The following DYNC2I1 variants were observed in gnomAD, a reference collection of about 807,000 sequenced individuals.
DYNC2I1 encodes dynein 2 intermediate chain 1, also known as cytoplasmic dynein 2 intermediate chain 1.
In DYNC2I1, 89 loss-of-function variants were observed where a neutral mutation model predicts 133.4. The observed-to-expected ratio is 0.67, with a 90% CI of 0.56 to 0.80. The LOEUF (loss-of-function observed/expected upper bound fraction) is 0.80. DYNC2I1 is among the 30% of genes least tolerant of loss of function. DYNC2I1 has a pLI of 0.00. For missense variants in DYNC2I1, 1,291 were observed against 1,314.5 expected (o/e 0.98, Z 0.28); for synonymous variants, 504 against 484.3 (o/e 1.04, Z -0.54).
At chr7:158,896,954 C>CT (rs932994351) in intron 8 of DYNC2I1, among the ~76,000 whole-genome samples, 1 of 150,244 alleles carries the variant, frequency 6.7e-6, no homozygotes, top group African/African-American at 2.5e-5. Flanking sequence ...CCTCTGTGCC[C>CT]TGGAAGAGAG....
chr7:158,890,617 G>A (rs1017248704), intron 7 of DYNC2I1, among the ~76,000 whole-genome samples: 5 of 150,580 alleles, frequency 3.3e-5, no homozygotes, highest in Non-Finnish European at 7.4e-5. Context: ...TTTTCTTTGA[G>A]ACTGAGTTTC....
intron 7 of DYNC2I1, among the ~76,000 whole-genome samples, chr7:158,889,282 A>G (rs372386109): frequency 6.6e-6 from 1 of 151,810 alleles, no homozygotes; most frequent in Non-Finnish European, 1.5e-5. Flanking sequence ...GGGATTCACC[A>G]TGTTAGCCAG....
At chr7:158,877,820 T>C (rs150283760) in intron 4 of DYNC2I1, among the ~76,000 whole-genome samples, 1 of 152,298 alleles carries the variant, frequency 6.6e-6, no homozygotes, top group Non-Finnish European at 1.5e-5. Context: ...GTGGGACTAA[T>C]TAGGAGAGAA....
At position 158,914,170 on chromosome 7, in the gene DYNC2I1, A is replaced by G. The variant is rs901998530; in HGVS notation, c.1703-63A>G. 4.4e-6 allele frequency: 6 copies of G among 1,358,286 alleles called. No homozygotes were observed. In the African/African-American group the frequency reaches 8.7e-5, roughly 20 times the overall value. The allele number at this position is 1,358,286 out of a possible 1,614,324, so 84.1% of individuals were successfully genotyped here. A position where few individuals can be genotyped will look rare whatever the true frequency, so the allele number is the denominator to read the frequency against. On this transcript the variant is annotated intron_variant, in intron 13 of 24. Transcript: ENST00000407559. ...TGTTAGGCCTGTTTGAACTCTTAAG[A>G]TGTGTAATGCATGATTATTTTAGAG... is the stretch of plus-strand genomic sequence containing the variant.
chr7:158,915,237 A>G (rs1324641922), intron 14 of DYNC2I1, among the ~76,000 whole-genome samples: 2 of 151,966 alleles, frequency 1.3e-5, no homozygotes, highest in African/African-American at 4.8e-5. Context: ...AAACATCGAC[A>G]TGCTGGTTGA....
upstream of DYNC2I1, among the ~76,000 whole-genome samples, chr7:158,855,939 CTTTTTTTTT>C (rs71200072): frequency 5.0e-5 from 6 of 119,290 alleles, no homozygotes; most frequent in Non-Finnish European, 1.0e-4. Context: ...AAGCTCTTTT[CTTTTTTTTT>C]TTTTTTTTTT....
chr7:158,865,583 A>G (rs904984030), intron 1 of DYNC2I1, among the ~76,000 whole-genome samples: 1 of 152,148 alleles, frequency 6.6e-6, no homozygotes, highest in Non-Finnish European at 1.5e-5. Flanking sequence ...GTTCTCATCC[A>G]CTAGTGCGTG....
Position 158,945,690 on chromosome 7 carries a change from C to T in DYNC2I1, c.3112C>T (p.Arg1038Trp), listed in dbSNP as rs758415572. Residue 1038 changes from arginine to tryptophan, a missense_variant, in exon 25 of 25, where the codon CGG becomes TGG. Transcript: ENST00000407559. The surrounding 1 kb of genome is among the most constrained non-coding windows in gnomAD (Gnocchi z 4.1). ...GSIDIQHLKR[R>W]WAAPEVDECN... ...CATCGACATCCAGCACCTGAAGAGGCGGTGGGCGGCCCCGGAGGTGGACGA... is the reference window on the plus strand; with the variant it reads ...CATCGACATCCAGCACCTGAAGAGGTGGTGGGCGGCCCCGGAGGTGGACGA... The T allele has an allele frequency of 2.7e-5, 44 of 1,612,046 alleles. No homozygotes were observed. The Admixed American group carries it at 3.8e-4, about 14-fold the overall frequency.
At chr7:158,944,606 A>G (rs1851695053) in intron 24 of DYNC2I1, among the ~76,000 whole-genome samples, 1 of 152,062 alleles carries the variant, frequency 6.6e-6, no homozygotes, top group African/African-American at 2.4e-5. Flanking sequence ...CTTCATTCCC[A>G]CACTCTGCCG....
At chr7:158,916,271 T>A (rs62476505) in intron 14 of DYNC2I1, among the ~76,000 whole-genome samples, 686 of 3,052 alleles carry the variant, frequency 0.22, 2 homozygotes, top group African/African-American at 0.26. Flanking sequence ...GGTTGACATT[T>A]AGGATGATTG....
chr7:158,869,502 G>T (rs913590833), intron 1 of DYNC2I1: 18 of 476,778 alleles, frequency 3.8e-5, no homozygotes, highest in African/African-American at 2.6e-4. Flanking sequence ...TGAGTCTGTT[G>T]TGGCTGTTTT....
downstream of DYNC2I1, among the ~76,000 whole-genome samples, chr7:158,957,373 A>G (rs1372564978): frequency 6.6e-6 from 1 of 152,146 alleles, no homozygotes; most frequent in Non-Finnish European, 1.5e-5. Context: ...AACCCCTGGG[A>G]AGTGTGTTGT....
chr7:158,865,671 C>T (rs1050624445), intron 1 of DYNC2I1, among the ~76,000 whole-genome samples: 24 of 152,210 alleles, frequency 1.6e-4, no homozygotes, highest in Non-Finnish European at 3.4e-4. Context: ...GGGTTTGTTC[C>T]ACTCCTGGGA....
intron 1 of DYNC2I1, among the ~76,000 whole-genome samples, chr7:158,866,409 T>A (rs1159424703): frequency 6.6e-6 from 1 of 151,844 alleles, no homozygotes; most frequent in Admixed American, 6.6e-5. Context: ...GTTTCCTGGT[T>A]GGACTGCCCC....
the DYNC2I1 span, among the ~76,000 whole-genome samples, chr7:158,850,013 C>T: frequency 6.6e-6 from 1 of 152,340 alleles, no homozygotes; most frequent in Non-Finnish European, 1.5e-5. Context: ...CTGCCTCCCA[C>T]TGCCATTCAT....
chr7:158,947,476 C>T (rs149346016), downstream of DYNC2I1, among the ~76,000 whole-genome samples: 96 of 152,356 alleles, frequency 6.3e-4, no homozygotes, highest in African/African-American at 2.1e-3. Flanking sequence ...CAGCTATCAT[C>T]TGCAGTTCAC....
intron 9 of DYNC2I1, 49 bp from the exon 10 acceptor site, chr7:158,902,327 G>T: frequency 6.6e-7 from 1 of 1,521,476 alleles, no homozygotes; most frequent in Non-Finnish European, 9.0e-7. Context: ...AGGGATAATT[G>T]AAAGTCAGTT....
intron 11 of DYNC2I1, among the ~76,000 whole-genome samples, chr7:158,907,141 G>C (rs1311238127): frequency 6.7e-6 from 1 of 149,688 alleles, no homozygotes; most frequent in Non-Finnish European, 1.5e-5. Flanking sequence ...CTGGGTGGCA[G>C]AGCGAGACCC....
upstream of DYNC2I1, among the ~76,000 whole-genome samples, chr7:158,854,716 G>A (rs972167851): frequency 6.6e-6 from 1 of 152,166 alleles, no homozygotes; most frequent in African/African-American, 2.4e-5. Flanking sequence ...ACTATTCTAC[G>A]ACCAGGAATG....
Sources: gnomAD v4.1 joint callset for allele counts (sites outside exome capture counted in the v4.1 genomes callset) on GRCh38, gnomAD v4.1.1 for gene constraint, Gnocchi (gnomAD v3.1) non-coding constraint, MANE v1.5 for transcripts, NCBI Gene and HGNC (gene_info 2026-07-23, HGNC 2026-07-21) for gene names.